The following PKIB variants were observed in gnomAD, a reference collection of about 807,000 sequenced individuals.
The protein encoded by PKIB is PKI-beta.
In PKIB, 2 loss-of-function variants were observed where a neutral mutation model predicts 4.5. The observed-to-expected ratio is 0.44, with a 90% confidence interval of 0.18 to 1.39. PKIB has a LOEUF of 1.39. Ranked by LOEUF, PKIB falls within the 40% of genes most tolerant of loss-of-function variation. The probability of loss-of-function intolerance (pLI) is 0.27; values close to 1 mark genes in which losing one functional copy is unlikely to be tolerated. For synonymous variants in PKIB, 38 were observed against 36.0 expected (o/e 1.06, Z -0.20); for missense variants, 94 against 92.6 (o/e 1.02, Z -0.06).
At chr6:122,496,915 G>A (rs886446306) in intron 2 of PKIB, among the ~76,000 whole-genome samples, 1 of 152,080 alleles carries the variant, frequency 6.6e-6, no homozygotes, top group Non-Finnish European at 1.5e-5. Flanking sequence ...GTTATTAAAG[G>A]ATATAGTCAC....
intron 2 of PKIB, among the ~76,000 whole-genome samples, chr6:122,565,285 A>G (rs1453081121): frequency 6.6e-6 from 1 of 152,178 alleles, no homozygotes; most frequent in Non-Finnish European, 1.5e-5. Flanking sequence ...TGGAGATCAT[A>G]TCATAGCTTC....
intron 2 of PKIB, among the ~76,000 whole-genome samples, chr6:122,658,867 T>TTTTTTTTTTTTTTTTTTTTTTTTTTTTGA (rs1554228850): frequency 6.8e-6 from 1 of 147,844 alleles, no homozygotes; most frequent in African/African-American, 2.5e-5. Flanking sequence ...AATTTTTTAT[T>TTTTTTTTTTTTTTTTTTTTTTTTTTTTGA]GAGTACCTAC....
intron 2 of PKIB, among the ~76,000 whole-genome samples, chr6:122,541,914 T>C (rs898030910): frequency 2.6e-5 from 4 of 152,012 alleles, no homozygotes; most frequent in Admixed American, 2.6e-4. Context: ...ACTTCCCTTC[T>C]TGCTTCATTT....
intron 2 of PKIB, among the ~76,000 whole-genome samples, chr6:122,641,067 A>G (rs1223824141): frequency 6.6e-6 from 1 of 152,206 alleles, no homozygotes; most frequent in Non-Finnish European, 1.5e-5. Context: ...AATAAAATGC[A>G]ACAGTTAAGT....
At chr6:122,640,107 AAT>A (rs1487857648) in intron 2 of PKIB, among the ~76,000 whole-genome samples, 14 of 152,176 alleles carry the variant, frequency 9.2e-5, no homozygotes, top group African/African-American at 3.1e-4. Flanking sequence ...AGAAAAAAAT[AAT>A]GAGTGTAAAT....
intron 3 of PKIB, among the ~76,000 whole-genome samples, chr6:122,600,746 A>C (rs1774337244): frequency 6.6e-6 from 1 of 152,208 alleles, no homozygotes; most frequent in African/African-American, 2.4e-5. Context: ...ATCACCCACC[A>C]TAAATGATAA....
chr6:122,696,261 C>T (rs1778564821), intron 3 of PKIB, among the ~76,000 whole-genome samples: 1 of 152,118 alleles, frequency 6.6e-6, no homozygotes, highest in Non-Finnish European at 1.5e-5. Flanking sequence ...GTGGGAATTA[C>T]TATATGATGA....
intron 3 of PKIB, among the ~76,000 whole-genome samples, chr6:122,704,977 G>A (rs2115037984): frequency 6.6e-6 from 1 of 152,222 alleles, no homozygotes; most frequent in South Asian, 2.1e-4. Flanking sequence ...ATTGCTTTTA[G>A]CTCAAACAAT....
intron 1 of PKIB, among the ~76,000 whole-genome samples, chr6:122,622,285 A>G (rs530291844): frequency 4.3e-4 from 50 of 117,174 alleles, no homozygotes; most frequent in Non-Finnish European, 8.0e-4. Context: ...GTCATAATTT[A>G]AAAGGAACAG....
At chr6:122,568,440 C>G (rs1409255455) in intron 2 of PKIB, among the ~76,000 whole-genome samples, 1 of 152,142 alleles carries the variant, frequency 6.6e-6, no homozygotes, top group East Asian at 1.9e-4. Context: ...AGGACATATC[C>G]CCACCAGGAA....
At chr6:122,618,119 T>C (rs1419488959) in intron 1 of PKIB, among the ~76,000 whole-genome samples, 1 of 152,146 alleles carries the variant, frequency 6.6e-6, no homozygotes, top group Non-Finnish European at 1.5e-5. Context: ...AAGGCTACAT[T>C]CTAATTTCAC....
chr6:122,665,110 T>G (rs1302544422), intron 2 of PKIB, among the ~76,000 whole-genome samples: 1 of 152,202 alleles, frequency 6.6e-6, no homozygotes, highest in African/African-American at 2.4e-5. Context: ...GTTTTTGTTC[T>G]TGTTGACTCA....
intron 2 of PKIB, among the ~76,000 whole-genome samples, chr6:122,555,965 G>A (rs1451963996): frequency 6.6e-6 from 1 of 152,164 alleles, no homozygotes; most frequent in Non-Finnish European, 1.5e-5. Flanking sequence ...GGGGCATTTA[G>A]ATCTATGCTT....
intron 2 of PKIB, among the ~76,000 whole-genome samples, chr6:122,561,975 T>G: frequency 7.0e-6 from 1 of 143,638 alleles, no homozygotes; most frequent in African/African-American, 2.8e-5. Flanking sequence ...GCCTGCATAG[T>G]TTTTTTTTGT....
chr6:122,488,786 C>T (rs890630870), intron 2 of PKIB, among the ~76,000 whole-genome samples: 5 of 152,142 alleles, frequency 3.3e-5, no homozygotes, highest in African/African-American at 1.2e-4. Context: ...TCTAGGCTTT[C>T]CCACCAGGCA....
intron 3 of PKIB, among the ~76,000 whole-genome samples, chr6:122,589,284 A>G (rs1043793735): frequency 3.3e-5 from 5 of 152,186 alleles, no homozygotes; most frequent in Non-Finnish European, 5.9e-5. Flanking sequence ...ATTTAAAAGA[A>G]TGAGTCATAC....
chr6:122,585,358 A>G (rs1257644332), intron 2 of PKIB: 1 of 152,184 alleles, frequency 6.6e-6, no homozygotes. Context: ...TGAATAATTG[A>G]ACATCTTTCA....
chr6:122,536,901 C>CT lies in PKIB; in HGVS notation c.-247-49006dup, dbSNP rs532464253. ...TTTGTCTACCCAATATCCTTTCTGT[C>CT]TTTTTTTTTTTTTTAACCAACGAAC... On this transcript the variant is annotated intron_variant, in intron 2 of 6. Coordinates refer to the PKIB transcript ENST00000392491. Among the ~76,000 whole-genome samples, 420 of 138,900 alleles carry CT rather than the reference C, an allele frequency of 3.0e-3. 7 individuals are homozygous for CT. In the East Asian group the frequency reaches 0.045, roughly 15 times the overall value. The allele number at this position is 138,900 out of a possible 152,430, so 91.1% of individuals were successfully genotyped here.
intron 2 of PKIB, among the ~76,000 whole-genome samples, chr6:122,544,190 T>C (rs1031169682): frequency 2.0e-5 from 3 of 151,834 alleles, no homozygotes; most frequent in Non-Finnish European, 4.4e-5. Flanking sequence ...TAAGGTAAAT[T>C]TTAACAGAGC....
Sources: gnomAD v4.1 joint callset for allele counts (sites outside exome capture counted in the v4.1 genomes callset) on GRCh38, gnomAD v4.1.1 for gene constraint, MANE v1.5 for transcripts, NCBI Gene and HGNC (gene_info 2026-07-23, HGNC 2026-07-21) for gene names.